The following OR51E1 variants were observed in gnomAD, a reference collection of about 807,000 sequenced individuals.
The protein encoded by OR51E1 is olfactory receptor family 51 subfamily E member 1.
A neutral mutation model predicts 11.5 loss-of-function variants in OR51E1; 9 were observed. The ratio of observed to expected loss-of-function variants is 0.78; its 90% CI spans 0.47 to 1.37. OR51E1 has a LOEUF of 1.37. Ranked by LOEUF, OR51E1 falls within the 40% of genes most tolerant of loss-of-function variation. The pLI is 0.00. For synonymous variants in OR51E1, 168 were observed against 158.3 expected (o/e 1.06, Z -0.46); for missense variants, 397 against 410.2 (o/e 0.97, Z 0.28).
intron 1 of OR51E1, among the ~76,000 whole-genome samples, chr11:4,652,269 G>A (rs1197463927): frequency 6.6e-6 from 1 of 152,180 alleles, no homozygotes; most frequent in Non-Finnish European, 1.5e-5. Flanking sequence ...TTGCTGTCAG[G>A]ATTAACAATA....
intron 1 of OR51E1, among the ~76,000 whole-genome samples, chr11:4,649,790 T>A (rs1477449787): frequency 6.6e-6 from 1 of 152,150 alleles, no homozygotes; most frequent in African/African-American, 2.4e-5. Context: ...ACAGATATTA[T>A]TTTTGGCATA....
At chr11:4,647,328 A>T (rs995621687) in intron 1 of OR51E1, among the ~76,000 whole-genome samples, 2 of 152,184 alleles carry the variant, frequency 1.3e-5, no homozygotes, top group African/African-American at 4.8e-5. Flanking sequence ...GTACCATCTC[A>T]CTAAGTTCTA....
rs1847148723 is a variant in OR51E1, at chr11:4,654,786, T to G, written c.*1303T>G. On this transcript the variant is annotated 3_prime_UTR_variant, in exon 2 of 2. Transcript: ENST00000396952. ...GGCATTTTTGCTTCTGAGGGGCTAT[T>G]ACCAAGGGTTAATAGGTTTCATCTT... 1 of 167,148 alleles carries G rather than the reference T, an allele frequency of 6.0e-6. No homozygotes were observed. Among genetic ancestry groups the G allele is most frequent in the Non-Finnish European group, 1.5e-5 (1 of 68,128 alleles). 10.4% of individuals were successfully genotyped at this position (167,148 alleles called of 1,614,324 possible).
chr11:4,648,784 C>G (rs1479281408), intron 1 of OR51E1, among the ~76,000 whole-genome samples: 1 of 152,196 alleles, frequency 6.6e-6, no homozygotes, highest in Non-Finnish European at 1.5e-5. Flanking sequence ...CTATCCTGCT[C>G]TTAGGCACAA....
Position 4,652,549 on chromosome 11 carries a change from A to G in OR51E1, c.23A>G (p.Asn8Ser). Residue 8 changes from asparagine (N) to serine (S), a missense_variant, in exon 2 of 2, where the codon AAT (asparagine) becomes AGT (serine). Asn to Ser is a conservative substitution (Grantham distance 46). Transcript: ENST00000396952. MMVDPNG[N>S]ESSATYFILI... ...TTCATGATGGTGGATCCCAATGGCA[A>G]TGAATCCAGTGCTACATACTTCATC... is the stretch of plus-strand genomic sequence containing the variant. The G allele has an allele frequency of 1.2e-6, 2 of 1,613,104 alleles. No homozygotes were observed. The highest frequency in any genetic ancestry group is 1.7e-6 in the Non-Finnish European group (2 of 1,179,238).
At position 4,655,247 on chromosome 11, in the gene OR51E1, G is replaced by A. The variant is rs1468851241; in HGVS notation, c.*1764G>A. On this transcript the variant is annotated 3_prime_UTR_variant, in exon 2 of 2. Transcript: ENST00000396952. ...ATTCTGGCCATTACTTCCAATGTGAGTGGAAGTGACATGTGCAATTTCTAT... is the reference window on the plus strand; with the variant it reads ...ATTCTGGCCATTACTTCCAATGTGAATGGAAGTGACATGTGCAATTTCTAT... The A allele has an allele frequency of 1.2e-5, 2 of 167,082 alleles. No individual in the cohort carries two copies. The highest frequency in any genetic ancestry group is 2.9e-5 in the Non-Finnish European group (2 of 68,130). The allele number at this position is 167,082 out of a possible 1,614,324, so 10.3% of individuals were successfully genotyped here. A position where few individuals can be genotyped will look rare whatever the true frequency, so the allele number is the denominator to read the frequency against.
Position 4,655,173 on chromosome 11 carries a change from A to C in OR51E1, c.*1690A>C. 6.0e-6 allele frequency: 1 copy of C among 167,106 alleles called. No homozygotes were observed. Among genetic ancestry groups the C allele is most frequent in the East Asian group, 1.9e-4 (1 of 5,202 alleles). 10.4% of individuals were successfully genotyped at this position (167,106 alleles called of 1,614,324 possible). A position where few individuals can be genotyped will look rare whatever the true frequency, so the allele number is the denominator to read the frequency against. ...TCAAACCTGATTCCTTCTGTCCTGA[A>C]CACATAGCCAGGCAATTTTCCAGCC... On this transcript the variant is annotated 3_prime_UTR_variant, in exon 2 of 2. Coordinates refer to ENST00000396952, the MANE Select transcript of OR51E1 (RefSeq NM_152430.4).
rs1260156688 is a variant in OR51E1 at position 4,652,852 on chromosome 11, C to T, written c.326C>T (p.Ser109Phe). ...ACLLQMFAIH[S>F]LSGMESTVLL... is the part of the protein sequence containing the mutation. Reference sequence around the variant, plus strand: ...CTGCTACAGATGTTTGCCATCCACTCCTTATCTGGCATGGAATCCACAGTG... The same window carrying T: ...CTGCTACAGATGTTTGCCATCCACTTCTTATCTGGCATGGAATCCACAGTG... Residue 109 changes from serine (S) to phenylalanine (F), a missense_variant, in exon 2 of 2, where the codon TCC (serine) becomes TTC (phenylalanine). By Grantham distance (155) the Ser-to-Phe change is radical. Transcript: ENST00000396952. The T allele has an allele frequency of 1.1e-5, 17 of 1,614,024 alleles. No individual in the cohort carries two copies. Among genetic ancestry groups the T allele is most frequent in the Admixed American group, 1.7e-5 (1 of 60,008 alleles).
rs190765812 is a variant in OR51E1, at chr11:4,652,786, T to G, written c.260T>G (p.Ile87Ser). The change falls in exon 2 of 2, where the codon ATC becomes AGC. Residue 87 changes from isoleucine to serine, a missense_variant. Physicochemically the swap from Ile to Ser is moderately radical, Grantham distance 142. Transcript: ENST00000396952. ...STSSMPKMLA[I>S]FWFNSTTIQF... ...TCATCCATGCCCAAAATGCTGGCCA[T>G]CTTCTGGTTCAATTCCACTACCATC... 317 of 1,614,186 alleles carry G rather than the reference T, an allele frequency of 2.0e-4. 1 individual carries two copies. The East Asian group carries it at 5.5e-3, about 28-fold the overall frequency.
In OR51E1 at chr11:4,653,984, A is replaced by G. The variant is rs180996279; in HGVS notation, c.*501A>G. ...AATAATTTTTCCTCTGGACACTAGC[A>G]CTTAAGGGGAAGATTGGAAGTAAAG... On this transcript the variant is annotated 3_prime_UTR_variant, in exon 2 of 2. Transcript: ENST00000396952. 1 of 167,322 alleles carries G rather than the reference A, an allele frequency of 6.0e-6. No homozygotes were observed. Among genetic ancestry groups the G allele is most frequent in the African/African-American group, 2.4e-5 (1 of 41,592 alleles). The allele number at this position is 167,322 out of a possible 1,614,324, so 10.4% of individuals were successfully genotyped here.
intron 1 of OR51E1, among the ~76,000 whole-genome samples, chr11:4,644,533 C>T (rs10768147): frequency 0.42 from 63,836 of 151,694 alleles, 15,074 homozygotes; most frequent in Middle Eastern, 0.54. Flanking sequence ...GAGACTGGGA[C>T]TTAGTAATCT....
At chr11:4,651,558 C>G (rs562954398) in intron 1 of OR51E1, among the ~76,000 whole-genome samples, 2 of 152,186 alleles carry the variant, frequency 1.3e-5, no homozygotes, top group Non-Finnish European at 2.9e-5. Context: ...CATGGGGGCA[C>G]AGTGTAACCT....
In OR51E1 at chr11:4,654,292, G is replaced by T. The variant is rs1311370590; in HGVS notation, c.*809G>T. 6.0e-6 allele frequency: 1 copy of T among 167,036 alleles called. No individual in the cohort carries two copies. Among genetic ancestry groups the T allele is most frequent in the East Asian group, 1.9e-4 (1 of 5,202 alleles). 10.3% of individuals were successfully genotyped at this position (167,036 alleles called of 1,614,324 possible). ...GTTAGAGAGACCAACAGGGTAGTGG[G>T]TTAGAGATTTCCAGAGTCTTACATT... On this transcript the variant is annotated 3_prime_UTR_variant, in exon 2 of 2. Coordinates refer to ENST00000396952, the MANE Select transcript of OR51E1 (RefSeq NM_152430.4).
intron 1 of OR51E1, 39 bp from the exon 2 acceptor site, chr11:4,652,449 T>C: frequency 2.2e-6 from 2 of 896,324 alleles, no homozygotes; most frequent in South Asian, 1.5e-5. Flanking sequence ...GGTATTGGGA[T>C]GCTTATGGAT....
intron 1 of OR51E1, among the ~76,000 whole-genome samples, chr11:4,648,402 G>T (rs1847054321): frequency 6.6e-6 from 1 of 152,172 alleles, no homozygotes; most frequent in Non-Finnish European, 1.5e-5. Flanking sequence ...GCCCATTTTT[G>T]TGGAAAACAA....
Position 4,649,929 on chromosome 11 carries a change from G to A in OR51E1, c.-39-2559G>A, listed in dbSNP as rs1847073375. 2.6e-5 allele frequency among the ~76,000 whole-genome samples: 4 copies of A among 152,168 alleles called. No homozygotes were observed. The South Asian group carries it at 8.3e-4, about 32-fold the overall frequency. The stretch of plus-strand genomic sequence containing the variant: ...GATGAGGATGCTGAGGCTTAGAAAG[G>A]TTAAATGATTTACCCCAGATCATAC... On this transcript the variant is annotated intron_variant, in intron 1 of 1. Coordinates refer to ENST00000396952, the MANE Select transcript of OR51E1 (RefSeq NM_152430.4).
chr11:4,645,074 G>C (rs1277872451), intron 1 of OR51E1, among the ~76,000 whole-genome samples: 1 of 152,022 alleles, frequency 6.6e-6, no homozygotes, highest in East Asian at 1.9e-4. Context: ...TCTGACCCCT[G>C]TCTCCAGTAT....
At chr11:4,644,567 GGTCTGTGTC>G in intron 1 of OR51E1, among the ~76,000 whole-genome samples, 1 of 151,986 alleles carries the variant, frequency 6.6e-6, no homozygotes, top group East Asian at 1.9e-4. Flanking sequence ...ATCTCAGCTT[GGTCTGTGTC>G]TAGGATCAGG....
intron 1 of OR51E1, among the ~76,000 whole-genome samples, chr11:4,645,278 C>G (rs1479963565): frequency 6.6e-6 from 1 of 152,216 alleles, no homozygotes; most frequent in South Asian, 2.1e-4. Context: ...GTTGTCTAAC[C>G]GAATGCTGCT....
Sources: allele counts gnomAD v4.1 joint callset (sites outside exome capture counted in the v4.1 genomes callset), GRCh38; gene constraint gnomAD v4.1.1; transcripts MANE v1.5; gene names NCBI Gene and HGNC (gene_info 2026-07-23, HGNC 2026-07-21).